Variants in ATRN observed in about 807,000 individuals in gnomAD.
ATRN encodes the protein attractin-2.
A neutral mutation model predicts 178.7 loss-of-function variants in ATRN; 54 were observed. That is an observed-to-expected ratio of 0.30 (90% CI 0.24 to 0.38). The LOEUF (loss-of-function observed/expected upper bound fraction) is 0.38, where lower values mean the gene tolerates loss of function less well. ATRN is among the 10% of genes least tolerant of loss of function. The probability of loss-of-function intolerance (pLI) is 1.00; values close to 1 mark genes in which losing one functional copy is unlikely to be tolerated. For synonymous variants in ATRN, 636 were observed against 663.0 expected, an observed-to-expected ratio of 0.96 and a Z score of 0.63; for missense variants, 1,443 against 1,815.1, an observed-to-expected ratio of 0.79 and a Z score of 3.73.
At chr20:3,520,985 G>A (rs1165382007) in intron 1 of ATRN, among the ~76,000 whole-genome samples, 2 of 152,186 alleles carry the variant, frequency 1.3e-5, no homozygotes, top group African/African-American at 4.8e-5. Context: ...TCGACTTCAT[G>A]TGAATTAACA....
intron 6 of ATRN, among the ~76,000 whole-genome samples, chr20:3,554,209 G>A (rs984561304): frequency 4.6e-5 from 7 of 151,312 alleles, no homozygotes; most frequent in East Asian, 3.9e-4. Flanking sequence ...TTTGTTTCAC[G>A]TAAATATTAG....
At chr20:3,493,456 C>A (rs2084835823) in intron 1 of ATRN, among the ~76,000 whole-genome samples, 1 of 151,630 alleles carries the variant, frequency 6.6e-6, no homozygotes, top group Non-Finnish European at 1.5e-5. Context: ...TCACTGTGCC[C>A]AACCTATTTT....
At chr20:3,473,745 A>G (rs562423722) in intron 1 of ATRN, among the ~76,000 whole-genome samples, 27 of 152,232 alleles carry the variant, frequency 1.8e-4, no homozygotes, top group African/African-American at 6.5e-4. Context: ...GCGGTGTGGG[A>G]AGGGGACTTC....
intron 1 of ATRN, among the ~76,000 whole-genome samples, chr20:3,508,483 A>T (rs1042722638): frequency 1.3e-5 from 2 of 152,228 alleles, no homozygotes; most frequent in Non-Finnish European, 2.9e-5. Flanking sequence ...GTGTTCCAAT[A>T]AAACCTTACT....
intron 18 of ATRN, among the ~76,000 whole-genome samples, chr20:3,585,291 A>C (rs1468833762): frequency 7.2e-5 from 11 of 152,204 alleles, no homozygotes; most frequent in Non-Finnish European, 1.6e-4. Context: ...AACAAAGCTA[A>C]AAGGGCAGAG....
intron 1 of ATRN, among the ~76,000 whole-genome samples, chr20:3,484,371 AATATACTCTTCT>A (rs1244134130): frequency 1.3e-5 from 2 of 152,038 alleles, no homozygotes; most frequent in Non-Finnish European, 2.9e-5. Context: ...TGACCTTGTA[AATATACTCTTCT>A]ATATTTTACT....
intron 19 of ATRN, among the ~76,000 whole-genome samples, chr20:3,593,728 C>G (rs1600140056): frequency 6.6e-6 from 1 of 152,264 alleles, no homozygotes. Context: ...TAAAGCATAC[C>G]TCTCTCCAGC....
intron 3 of ATRN, among the ~76,000 whole-genome samples, chr20:3,542,129 C>T (rs953833289): frequency 6.6e-6 from 1 of 152,224 alleles, no homozygotes; most frequent in South Asian, 2.1e-4. Context: ...TGGCATTGGC[C>T]AAGTGTTGGA....
chr20:3,535,837 C>T (rs1369972254), intron 2 of ATRN, among the ~76,000 whole-genome samples: 1 of 152,078 alleles, frequency 6.6e-6, no homozygotes, highest in East Asian at 1.9e-4. Flanking sequence ...ACCATGTTAA[C>T]CAGGATGGTC....
intron 1 of ATRN, among the ~76,000 whole-genome samples, chr20:3,493,782 C>G (rs921040194): frequency 6.6e-5 from 10 of 152,088 alleles, no homozygotes; most frequent in Non-Finnish European, 1.5e-4. Context: ...ATGTTTTTTT[C>G]TTTTCCCATA....
At chr20:3,491,193 C>G (rs2084788807) in intron 1 of ATRN, among the ~76,000 whole-genome samples, 1 of 152,140 alleles carries the variant, frequency 6.6e-6, no homozygotes, top group Non-Finnish European at 1.5e-5. Context: ...CGTGTCTTCT[C>G]CAAATGTGGC....
intron 1 of ATRN, among the ~76,000 whole-genome samples, chr20:3,487,424 G>A (rs1483322121): frequency 6.6e-6 from 1 of 151,990 alleles, no homozygotes. Flanking sequence ...GTAGAGACAG[G>A]GTTTCACCAT....
At chr20:3,486,582 T>C (rs538827109) in intron 1 of ATRN, among the ~76,000 whole-genome samples, 17 of 152,078 alleles carry the variant, frequency 1.1e-4, no homozygotes, top group South Asian at 4.2e-4. Flanking sequence ...TTAGTAGATA[T>C]GGGGTTTCAC....
At chr20:3,579,509 A>T (rs1293588985) in intron 15 of ATRN, among the ~76,000 whole-genome samples, 1 of 152,062 alleles carries the variant, frequency 6.6e-6, no homozygotes, top group Non-Finnish European at 1.5e-5. Flanking sequence ...AACAGCAAAA[A>T]AAAGAAATGT....
intron 23 of ATRN, 110 bp downstream of exon 23, chr20:3,601,134 C>A (rs994499835): frequency 1.1e-6 from 1 of 869,670 alleles, no homozygotes; most frequent in Non-Finnish European, 1.8e-6. Flanking sequence ...TGAAACCCAC[C>A]CTTGCCACTT....
chr20:3,570,463 A>C (rs879405593), intron 11 of ATRN, among the ~76,000 whole-genome samples: 1 of 152,162 alleles, frequency 6.6e-6, no homozygotes, highest in Non-Finnish European at 1.5e-5. Flanking sequence ...ACCAATCTTC[A>C]AAATAATGTA....
intron 12 of ATRN, among the ~76,000 whole-genome samples, chr20:3,574,392 C>G (rs985993052): frequency 6.6e-6 from 1 of 152,134 alleles, no homozygotes; most frequent in African/African-American, 2.4e-5. Flanking sequence ...GTGGTGCACG[C>G]CTATAGTCCC....
intron 24 of ATRN, among the ~76,000 whole-genome samples, chr20:3,612,624 C>T (rs2086782101): frequency 6.6e-6 from 1 of 152,084 alleles, no homozygotes; most frequent in Non-Finnish European, 1.5e-5. Flanking sequence ...TTCAGTTTGG[C>T]AACATCTCCT....
At chr20:3,537,516 T>C (rs2085554351) in intron 2 of ATRN, among the ~76,000 whole-genome samples, 1 of 136,876 alleles carries the variant, frequency 7.3e-6, no homozygotes, top group African/African-American at 2.8e-5. Context: ...TTTTTTATTT[T>C]ATTTTTTTAT....
Sources: gnomAD v4.1 joint callset for allele counts (sites outside exome capture counted in the v4.1 genomes callset) on GRCh38, gnomAD v4.1.1 for gene constraint, MANE v1.5 for transcripts, NCBI Gene and HGNC (gene_info 2026-07-23, HGNC 2026-07-21) for gene names.